The following PIK3AP1 variants were observed in gnomAD, a reference collection of about 807,000 sequenced individuals.
PIK3AP1 encodes phosphoinositide-3-kinase adaptor protein 1.
PIK3AP1 carries 21 observed loss-of-function variants against 88.1 expected under a neutral mutation model. That is an observed-to-expected ratio of 0.24 (90% CI 0.17 to 0.34). The LOEUF (loss-of-function observed/expected upper bound fraction) is 0.34. PIK3AP1 is among the 10% of genes least tolerant of loss of function. PIK3AP1 has a pLI of 1.00. For synonymous variants in PIK3AP1, 398 were observed against 400.0 expected (o/e 1.00, Z 0.06); for missense variants, 828 against 1,035.7 (o/e 0.80, Z 2.75).
chr10:96,637,605 C>T (rs1843330488), intron 8 of PIK3AP1, among the ~76,000 whole-genome samples: 1 of 152,224 alleles, frequency 6.6e-6, no homozygotes, highest in South Asian at 2.1e-4. Flanking sequence ...CCACTTTGGC[C>T]TCCCAAAGTG....
chr10:96,687,070 T>C (rs938127976), intron 2 of PIK3AP1, among the ~76,000 whole-genome samples: 12 of 151,752 alleles, frequency 7.9e-5, no homozygotes, highest in Non-Finnish European at 2.9e-5. Flanking sequence ...TCCTGGCTAA[T>C]ACGGTGAAAC....
intron 1 of PIK3AP1, among the ~76,000 whole-genome samples, chr10:96,713,119 T>C (rs1176789359): frequency 6.6e-6 from 1 of 152,064 alleles, no homozygotes; most frequent in Non-Finnish European, 1.5e-5. Context: ...CCCATCACTT[T>C]GGGAGGCCAG....
intron 2 of PIK3AP1, among the ~76,000 whole-genome samples, chr10:96,706,199 A>C (rs935700119): frequency 5.6e-4 from 86 of 152,222 alleles, no homozygotes; most frequent in African/African-American, 2.0e-3. Flanking sequence ...GGCCATGCCC[A>C]GCCAATTTCT....
intron 2 of PIK3AP1, among the ~76,000 whole-genome samples, chr10:96,705,884 G>GTTTTTTTTT (rs964917515): frequency 1.6e-5 from 1 of 60,968 alleles, no homozygotes; most frequent in Non-Finnish European, 3.1e-5. Context: ...CCAGCCAGTT[G>GTTTTTTTTT]TTTTTTTTTT....
Position 96,608,547 on chromosome 10 carries a change from A to G in PIK3AP1, c.2170+1165T>C, listed in dbSNP as rs561854340. On this transcript the variant is annotated intron_variant, in intron 14 of 16. Transcript: ENST00000339364. ...CTCGCACCTTTGCCATTCACTGGCT[A>G]TGTAACCTTGGGCAAAATTCTCTCT... 7.2e-5 allele frequency among the ~76,000 whole-genome samples: 11 copies of G among 152,368 alleles called. No homozygotes were observed. The East Asian group carries it at 1.5e-3, about 21-fold the overall frequency.
At position 96,651,234 on chromosome 10, in the gene PIK3AP1, G is replaced by T. The variant is rs1478098803; in HGVS notation, c.988+14C>A. On this transcript the variant is annotated intron_variant, in intron 6 of 16. Transcript: ENST00000339364. The stretch of plus-strand genomic sequence containing the variant: ...AGCCCACGTTGGTTTCCTGAGGTTT[G>T]ACTGTCAACTTACTTGTCATCATAT... 4.3e-6 allele frequency: 7 copies of T among 1,614,182 alleles called. No homozygotes were observed. Among genetic ancestry groups the T allele is most frequent in the Middle Eastern group, 3.3e-4 (2 of 6,062 alleles).
At position 96,652,594 on chromosome 10, in the gene PIK3AP1, C is replaced by T. The variant is rs1401204038; in HGVS notation, c.712+104G>A. The T allele has an allele frequency of 5.6e-6, 8 of 1,417,076 alleles. No homozygotes were observed. In the Admixed American group the frequency reaches 1.6e-4, roughly 28 times the overall value. The allele number at this position is 1,417,076 out of a possible 1,614,324, so 87.8% of individuals were successfully genotyped here. On this transcript the variant is annotated intron_variant, in intron 4 of 16. Transcript: ENST00000339364. ...TCTCAAAAAAAAAAAATCAAAGTAG[C>T]AAACATATTTAAGATGATAATACCT...
At chr10:96,687,681 C>T (rs1844093131) in intron 2 of PIK3AP1, among the ~76,000 whole-genome samples, 1 of 152,158 alleles carries the variant, frequency 6.6e-6, no homozygotes, top group African/African-American at 2.4e-5. Flanking sequence ...TTTCTAATCC[C>T]AAGGCCACCA....
At chr10:96,713,810 C>A (rs189096184) in intron 1 of PIK3AP1, among the ~76,000 whole-genome samples, 1 of 152,266 alleles carries the variant, frequency 6.6e-6, no homozygotes, top group African/African-American at 2.4e-5. Context: ...CTGGATCCTG[C>A]CTCACCAGCT....
chr10:96,657,657 TTGTG>T lies in PIK3AP1; in HGVS notation c.431-727_431-724del, dbSNP rs10644854. On this transcript the variant is annotated intron_variant, in intron 2 of 16. Coordinates refer to ENST00000339364, the MANE Select transcript of PIK3AP1 (RefSeq NM_152309.3). ...CCTACCTCTGAGGTTGTGTGCAAGA[TTGTG>T]TGTGTGTGTGTGTGTGTGCATGCAC... Among the ~76,000 whole-genome samples, 715 of 149,620 alleles carry T rather than the reference TTGTG, an allele frequency of 4.8e-3. 1 individual carries two copies. Among genetic ancestry groups the T allele is most frequent in the Admixed American group, 8.3e-3 (125 of 15,026 alleles).
chr10:96,625,760 C>CT (rs1006264983), intron 10 of PIK3AP1, among the ~76,000 whole-genome samples: 1 of 151,968 alleles, frequency 6.6e-6, no homozygotes, highest in African/African-American at 2.4e-5. Flanking sequence ...CTTATTTATT[C>CT]TTTTTTCAGA....
chr10:96,610,807 G>A (rs1849094538), intron 13 of PIK3AP1, among the ~76,000 whole-genome samples: 1 of 152,186 alleles, frequency 6.6e-6, no homozygotes, highest in Non-Finnish European at 1.5e-5. Context: ...AAGTCTGGGG[G>A]CAGCAGCACC....
At chr10:96,684,922 A>T (rs1322750771) in intron 2 of PIK3AP1, among the ~76,000 whole-genome samples, 1 of 152,178 alleles carries the variant, frequency 6.6e-6, no homozygotes, top group Non-Finnish European at 1.5e-5. Flanking sequence ...GAGTTGAACC[A>T]ATACATGCAT....
At chr10:96,696,534 C>T (rs1844223914) in intron 2 of PIK3AP1, among the ~76,000 whole-genome samples, 1 of 152,166 alleles carries the variant, frequency 6.6e-6, no homozygotes, top group Admixed American at 6.5e-5. Flanking sequence ...TGGTGGAAAC[C>T]AAATTGAAAA....
chr10:96,688,628 A>G (rs1033513252), intron 2 of PIK3AP1, among the ~76,000 whole-genome samples: 4 of 151,972 alleles, frequency 2.6e-5, no homozygotes, highest in African/African-American at 9.7e-5. Context: ...GTGAAATCCC[A>G]TCTCTACTAA....
chr10:96,707,611 AAAG>A (rs1362825763), intron 2 of PIK3AP1, among the ~76,000 whole-genome samples: 1 of 152,030 alleles, frequency 6.6e-6, no homozygotes, highest in Non-Finnish European at 1.5e-5. Context: ...GTAATATTTT[AAAG>A]AACAATCTGT....
intron 16 of PIK3AP1, among the ~76,000 whole-genome samples, chr10:96,597,329 T>TCCTTC (rs1491347513): frequency 8.2e-6 from 1 of 121,240 alleles, no homozygotes; most frequent in African/African-American, 3.4e-5. Flanking sequence ...CTTCCTTCCT[T>TCCTTC]CTTTCCTTCC....
At chr10:96,703,319 G>T (rs35435313) in intron 2 of PIK3AP1, among the ~76,000 whole-genome samples, 2,979 of 152,212 alleles carry the variant, frequency 0.02, 42 homozygotes, top group Non-Finnish European at 0.032. Context: ...ATACTTGTGG[G>T]TACCATGAGA....
intron 2 of PIK3AP1, among the ~76,000 whole-genome samples, chr10:96,680,755 T>C (rs968856719): frequency 2.0e-5 from 3 of 152,354 alleles, no homozygotes; most frequent in African/African-American, 7.2e-5. Context: ...TTCATACTAT[T>C]GATTGCTTTT....
Sources: gnomAD v4.1 joint callset for allele counts (sites outside exome capture counted in the v4.1 genomes callset) on GRCh38, gnomAD v4.1.1 for gene constraint, MANE v1.5 for transcripts, NCBI Gene and HGNC (gene_info 2026-07-23, HGNC 2026-07-21) for gene names.